The following RYR1 variants were observed in gnomAD, a reference collection of about 807,000 sequenced individuals.
RYR1 encodes the protein central core disease of muscle.
In RYR1, 342 loss-of-function variants were observed where a neutral mutation model predicts 583.5. The ratio of observed to expected loss-of-function variants is 0.59; its 90% CI spans 0.54 to 0.64. The LOEUF is 0.64. Among genes scored for constraint, RYR1 ranks in the 30% least tolerant of loss-of-function variants. The probability of loss-of-function intolerance (pLI) is 0.00; values close to 1 mark genes in which losing one functional copy is unlikely to be tolerated. For synonymous variants in RYR1, 2,791 were observed against 2,822.5 expected, an observed-to-expected ratio of 0.99 and a Z score of 0.35; for missense variants, 6,032 against 6,917.2, an observed-to-expected ratio of 0.87 and a Z score of 4.54.
chr19:38,497,965 C>G (rs1415496622), intron 42 of RYR1, among the ~76,000 whole-genome samples: 2 of 151,406 alleles, frequency 1.3e-5, no homozygotes, highest in African/African-American at 2.4e-5. Context: ...CAGAGCGAGA[C>G]CCCTTAAAAA....
chr19:38,523,620 T>C, intron 69 of RYR1: 1 of 603,720 alleles, frequency 1.7e-6, no homozygotes, highest in South Asian at 2.0e-5. Context: ...TCCAAGCCTC[T>C]CTCTCCTCCC....
chr19:38,519,067 C>T (rs1344557269), intron 66 of RYR1, 147 bp from the exon 67 acceptor site: 3 of 1,330,132 alleles, frequency 2.3e-6, no homozygotes, highest in Admixed American at 3.4e-5. Flanking sequence ...GATCAGTGTT[C>T]AGGGACTATA....
chr19:38,479,892 G>A (rs566534410), intron 31 of RYR1, among the ~76,000 whole-genome samples: 2 of 151,686 alleles, frequency 1.3e-5, no homozygotes, highest in African/African-American at 2.4e-5. Context: ...AATTTTTTTT[G>A]TATTTATTGT....
chr19:38,567,725 C>G, intron 92 of RYR1, 48 bp from the exon 93 acceptor site: 4 of 1,613,976 alleles, frequency 2.5e-6, no homozygotes, highest in South Asian at 1.1e-5. Flanking sequence ...TGAACTCATG[C>G]ATTGCCTGCC....
chr19:38,490,669 C>T lies in RYR1; in HGVS notation c.6064C>T (p.Pro2022Ser). Residue 2022 changes from proline to serine, a missense_variant, in exon 37 of 106, where the codon CCT becomes TCT. Around this residue, in one of 11 missense-constraint regions of RYR1, gnomAD observed 2,627 missense variants for 2,961.3 expected, o/e 0.89. Transcript: ENST00000359596. Reference sequence around the variant, plus strand: ...AGATGGTACAGATGAGGAAGACTGTCCTCTCCCTGAAGAGATTCGACAGGA... The same window carrying T: ...AGATGGTACAGATGAGGAAGACTGTTCTCTCCCTGAAGAGATTCGACAGGA... ...FKDGTDEEDC[P>S]LPEEIRQDLL... The T allele has an allele frequency of 6.2e-7, 1 of 1,613,626 alleles. No homozygotes were observed. The highest frequency in any genetic ancestry group is 8.5e-7 in the Non-Finnish European group (1 of 1,179,534).
chr19:38,444,684 G>A lies in RYR1; in HGVS notation c.631+7G>A, dbSNP rs1281233199. 1 of 1,604,350 alleles carries A rather than the reference G, an allele frequency of 6.2e-7. No individual in the cohort carries two copies. The highest frequency in any genetic ancestry group is 8.5e-7 in the Non-Finnish European group (1 of 1,174,344). ...TGCTCCCGCTGCGAAGAGGGTGAGGGCCCCAGACCTCCCCCTAAATGGAGA... is the reference window on the plus strand; with the variant it reads ...TGCTCCCGCTGCGAAGAGGGTGAGGACCCCAGACCTCCCCCTAAATGGAGA... On this transcript the variant is annotated splice_region_variant and intron_variant, in intron 7 of 105. Transcript: ENST00000359596. This position sits in a 1 kb window ranked among gnomAD's most constrained non-coding sequence, Gnocchi z 5.1.
rs758898722 is a variant in RYR1 at position 38,496,405 on chromosome 19, C to T, written c.6664-4C>T. 3 of 1,613,720 alleles carry T rather than the reference C, an allele frequency of 1.9e-6. No individual in the cohort carries two copies. In the African/African-American group the frequency reaches 4.0e-5, roughly 22 times the overall value. The stretch of plus-strand genomic sequence containing the variant: ...GCAGGCCCTGACCACCCTGCCTGTC[C>T]CAGGAGATCCGCTTCCCCAAGATGG... On this transcript the variant is annotated splice_region_variant and splice_polypyrimidine_tract_variant and intron_variant, in intron 40 of 105. Coordinates refer to ENST00000359596, the MANE Select transcript of RYR1 (RefSeq NM_000540.3). This position sits in a 1 kb window ranked among gnomAD's most constrained non-coding sequence, Gnocchi z 4.8.
intron 20 of RYR1, among the ~76,000 whole-genome samples, chr19:38,461,434 C>A (rs1208136563): frequency 6.6e-6 from 1 of 151,964 alleles, no homozygotes; most frequent in East Asian, 1.9e-4. Flanking sequence ...CTCAGGGAGT[C>A]CTCACCACTG....
intron 101 of RYR1, among the ~76,000 whole-genome samples, chr19:38,580,868 A>G (rs2145898317): frequency 6.6e-6 from 1 of 150,658 alleles, no homozygotes; most frequent in East Asian, 1.9e-4. Flanking sequence ...AATAGTACCT[A>G]CAGTTTGGCA....
Position 38,485,676 on chromosome 19 carries a change from C to A in RYR1, c.5021C>A (p.Ala1674Asp). 6.2e-7 allele frequency: 1 copy of A among 1,610,934 alleles called. No individual in the cohort carries two copies. The change falls in exon 34 of 106, where the codon GCC (alanine) becomes GAC (aspartate). Residue 1674 changes from alanine to aspartate, a missense_variant. This residue lies in a region of RYR1 where 2,627 missense variants were observed against 2,961.3 expected (regional missense o/e 0.89). Transcript: ENST00000359596. ...HTLRLYRAVCALGNNRVAHAL... is the reference protein window; with the variant it reads ...HTLRLYRAVCDLGNNRVAHAL... ...CTGCGCCTCTACCGCGCTGTGTGCG[C>A]CCTGGGCAACAATCGCGTGGCGCAC...
intron 78 of RYR1, 91 bp from the exon 79 acceptor site, chr19:38,534,629 T>C: frequency 9.0e-7 from 1 of 1,109,964 alleles, no homozygotes; most frequent in Non-Finnish European, 1.3e-6. Flanking sequence ...TGGATGTGGC[T>C]GGAACAGGGA....
chr19:38,500,567 C>T lies in RYR1; in HGVS notation c.7324-39C>T, dbSNP rs367587186. 25 of 1,610,820 alleles carry T rather than the reference C, an allele frequency of 1.6e-5. No homozygotes were observed. Among genetic ancestry groups the T allele is most frequent in the Middle Eastern group, 2.2e-4 (1 of 4,498 alleles). On this transcript the variant is annotated intron_variant, in intron 45 of 105. Coordinates refer to ENST00000359596, the MANE Select transcript of RYR1 (RefSeq NM_000540.3). The surrounding 1 kb of genome is among the most constrained non-coding windows in gnomAD (Gnocchi z 5.9). Reference sequence around the variant, plus strand: ...GAGCAGTCACTGAGTGGGGCACCAGCGCCTGATGAGTGCCCCTCTCCCTCC... The same window carrying T: ...GAGCAGTCACTGAGTGGGGCACCAGTGCCTGATGAGTGCCCCTCTCCCTCC...
chr19:38,571,914 CTG>C (rs1973731558), intron 94 of RYR1, 103 bp from the exon 95 acceptor site: 13 of 1,520,612 alleles, frequency 8.5e-6, no homozygotes, highest in Non-Finnish European at 1.2e-5. Context: ...CACACCAAGA[CTG>C]TATCTGGTAT....
intron 95 of RYR1, among the ~76,000 whole-genome samples, chr19:38,572,840 G>T (rs1335692414): frequency 7.8e-6 from 1 of 128,666 alleles, no homozygotes; most frequent in Non-Finnish European, 1.6e-5. Context: ...CCTCTCCACT[G>T]CCAGCCCCGA....
chr19:38,510,486 C>G lies in RYR1; in HGVS notation c.8933-12C>G. On this transcript the variant is annotated splice_polypyrimidine_tract_variant and intron_variant, in intron 58 of 105. Transcript: ENST00000359596. ...TTGAACCCACTGTGAACCCTATTTGCCCTCCCTACAGAGGCTGTGGTCAGC... is the reference window on the plus strand; with the variant it reads ...TTGAACCCACTGTGAACCCTATTTGGCCTCCCTACAGAGGCTGTGGTCAGC... 6.2e-7 allele frequency: 1 copy of G among 1,614,154 alleles called. No individual in the cohort carries two copies. The highest frequency in any genetic ancestry group is 8.5e-7 in the Non-Finnish European group (1 of 1,180,002).
At chr19:38,578,079 G>A (rs374286394) in intron 98 of RYR1, 31 bp downstream of exon 98, 9 of 1,613,572 alleles carry the variant, frequency 5.6e-6, no homozygotes, top group South Asian at 1.1e-5. Flanking sequence ...CACAGGCCTG[G>A]GGCATGCAGG....
intron 27 of RYR1, among the ~76,000 whole-genome samples, chr19:38,470,850 G>A (rs1365407416): frequency 6.6e-6 from 1 of 152,228 alleles, no homozygotes; most frequent in Non-Finnish European, 1.5e-5. Flanking sequence ...GCAGTGGATT[G>A]TAGGAGGTGA....
intron 18 of RYR1, 147 bp from the exon 19 acceptor site, chr19:38,458,999 G>T: frequency 1.4e-6 from 1 of 735,726 alleles, no homozygotes. Context: ...TCATTTCAGA[G>T]CTACGGGAGC....
At chr19:38,576,207 A>G (rs1414259111) in intron 97 of RYR1, among the ~76,000 whole-genome samples, 2 of 152,170 alleles carry the variant, frequency 1.3e-5, no homozygotes, top group African/African-American at 2.4e-5. Context: ...TAATCCCAGA[A>G]CTTTGGGAGG....
Sources: allele counts gnomAD v4.1 joint callset (sites outside exome capture counted in the v4.1 genomes callset), GRCh38; gene constraint gnomAD v4.1.1; regional missense constraint gnomAD v4.1.1; non-coding constraint Gnocchi (gnomAD v3.1); transcripts MANE v1.5; gene names NCBI Gene and HGNC (gene_info 2026-07-23, HGNC 2026-07-21).